The following SH3RF3 variants were observed in gnomAD, a reference collection of about 807,000 sequenced individuals.
The protein encoded by SH3RF3 is E3 ubiquitin-protein ligase SH3RF3.
A neutral mutation model predicts 66.3 loss-of-function variants in SH3RF3; 29 were observed. That is an observed-to-expected ratio of 0.44 (90% CI 0.33 to 0.60). SH3RF3 has a LOEUF of 0.60. Ranked by LOEUF, SH3RF3 falls within the 20% of genes least tolerant of loss-of-function variation. The pLI, the probability that SH3RF3 is intolerant of heterozygous loss-of-function variation, is 0.04. For synonymous variants in SH3RF3, 583 were observed against 532.0 expected (o/e 1.10, Z -1.32); for missense variants, 1,194 against 1,190.9 (o/e 1.00, Z -0.04).
chr2:109,259,857 C>T (rs1355728922), intron 1 of SH3RF3, among the ~76,000 whole-genome samples: 1 of 152,132 alleles, frequency 6.6e-6, no homozygotes, highest in Non-Finnish European at 1.5e-5. Context: ...TGGACAGCCT[C>T]TGGGCCGGGC....
At chr2:109,289,843 C>A (rs1237860229) in intron 1 of SH3RF3, among the ~76,000 whole-genome samples, 2 of 152,082 alleles carry the variant, frequency 1.3e-5, no homozygotes, top group African/African-American at 4.8e-5. Context: ...TTTCTCAGAT[C>A]TTGGTTTCCT....
intron 7 of SH3RF3, among the ~76,000 whole-genome samples, 169 bp downstream of exon 7, chr2:109,437,315 G>C (rs1437310621): frequency 6.6e-6 from 1 of 152,118 alleles, no homozygotes; most frequent in Non-Finnish European, 1.5e-5. Flanking sequence ...AGAATGTTGT[G>C]AGATGAAAAG....
intron 4 of SH3RF3, among the ~76,000 whole-genome samples, chr2:109,401,406 C>T (rs183614801): frequency 6.6e-6 from 1 of 152,200 alleles, no homozygotes; most frequent in Non-Finnish European, 1.5e-5. Flanking sequence ...CCTAGAAGAG[C>T]AAAGGCCACT....
At chr2:109,465,969 G>A (rs753448304) in intron 8 of SH3RF3, among the ~76,000 whole-genome samples, 4 of 151,968 alleles carry the variant, frequency 2.6e-5, no homozygotes, top group African/African-American at 4.8e-5. Flanking sequence ...CTCTAACACC[G>A]GGGATTACAA....
At chr2:109,371,373 G>A (rs1683267342) in intron 2 of SH3RF3, among the ~76,000 whole-genome samples, 1 of 152,236 alleles carries the variant, frequency 6.6e-6, no homozygotes, top group Non-Finnish European at 1.5e-5. Context: ...CTGGGTGGCA[G>A]AGCGAGACTC....
chr2:109,298,287 G>A (rs945670932), intron 1 of SH3RF3, among the ~76,000 whole-genome samples: 11 of 146,716 alleles, frequency 7.5e-5, no homozygotes, highest in African/African-American at 2.7e-4. Flanking sequence ...AGAACTCCGT[G>A]GCTGGCTAGA....
rs139757963 is a variant in SH3RF3, at chr2:109,268,916, C to A, written c.574-78758C>A. ...TTATGTTGGGTTTATCAAAATGTAACCCCATTATAAGTCAGGAAGCATCTG... is the reference window on the plus strand; with the variant it reads ...TTATGTTGGGTTTATCAAAATGTAAACCCATTATAAGTCAGGAAGCATCTG... On this transcript the variant is annotated intron_variant, in intron 1 of 9. Transcript: ENST00000309415. Among the ~76,000 whole-genome samples the A allele has an allele frequency of 2.3e-3, 357 of 152,266 alleles. 2 individuals carry two copies. The highest frequency in any genetic ancestry group is 8.5e-3 in the African/African-American group (351 of 41,538).
intron 1 of SH3RF3, among the ~76,000 whole-genome samples, chr2:109,263,639 C>G (rs1680410830): frequency 6.6e-6 from 1 of 152,188 alleles, no homozygotes; most frequent in Non-Finnish European, 1.5e-5. Flanking sequence ...TCTGCCAGGA[C>G]AGTCTGTCAG....
At chr2:109,487,145 T>C (rs1269796253) in intron 8 of SH3RF3, among the ~76,000 whole-genome samples, 1 of 152,152 alleles carries the variant, frequency 6.6e-6, no homozygotes, top group Non-Finnish European at 1.5e-5. Flanking sequence ...GCTTGCTTAC[T>C]CCCAGTCCCA....
At chr2:109,304,162 A>T (rs1257480983) in intron 1 of SH3RF3, among the ~76,000 whole-genome samples, 1 of 152,052 alleles carries the variant, frequency 6.6e-6, no homozygotes, top group Non-Finnish European at 1.5e-5. Flanking sequence ...CAGTATTGTT[A>T]GCTGGAGTCA....
At chr2:109,223,809 A>G (rs1015251585) in intron 1 of SH3RF3, among the ~76,000 whole-genome samples, 3 of 152,166 alleles carry the variant, frequency 2.0e-5, no homozygotes, top group Non-Finnish European at 4.4e-5. Context: ...TGTTCAATAC[A>G]TGTTTGTGCA....
intron 1 of SH3RF3, among the ~76,000 whole-genome samples, chr2:109,190,234 C>T (rs1678312825): frequency 1.3e-5 from 2 of 151,662 alleles, no homozygotes; most frequent in South Asian, 2.1e-4. Flanking sequence ...AGTGCAGTGG[C>T]GTGATCTTGG....
chr2:109,342,750 G>A (rs901198008), intron 1 of SH3RF3, among the ~76,000 whole-genome samples: 2 of 152,182 alleles, frequency 1.3e-5, no homozygotes, highest in African/African-American at 2.4e-5. Flanking sequence ...AGTAGAAGCC[G>A]GAGATGGCGC....
chr2:109,220,148 C>G (rs1299327209), intron 1 of SH3RF3, among the ~76,000 whole-genome samples: 1 of 152,162 alleles, frequency 6.6e-6, no homozygotes, highest in Non-Finnish European at 1.5e-5. Flanking sequence ...GGTTTTTCAA[C>G]AAAGAAGCCA....
intron 8 of SH3RF3, among the ~76,000 whole-genome samples, chr2:109,490,025 AC>A (rs1679090538): frequency 6.6e-6 from 1 of 152,208 alleles, no homozygotes; most frequent in South Asian, 2.1e-4. Flanking sequence ...GGCATGAGCC[AC>A]CGTGCCCAGC....
At chr2:109,351,186 C>T (rs554438750) in intron 2 of SH3RF3, among the ~76,000 whole-genome samples, 3 of 152,310 alleles carry the variant, frequency 2.0e-5, no homozygotes, top group African/African-American at 7.2e-5. Context: ...GAGCTGTGGG[C>T]CCAGCTCTGC....
chr2:109,282,712 C>T (rs1000461657), intron 1 of SH3RF3, among the ~76,000 whole-genome samples: 1 of 152,202 alleles, frequency 6.6e-6, no homozygotes, highest in African/African-American at 2.4e-5. Context: ...TTGCACTTAC[C>T]AGCTTTATGG....
At position 109,369,232 on chromosome 2, in the gene SH3RF3, C is replaced by T. The variant is rs923202466; in HGVS notation, c.850-2354C>T. Among the ~76,000 whole-genome samples, 4 of 151,418 alleles carry T rather than the reference C, an allele frequency of 2.6e-5. No homozygotes were observed. In the South Asian group the frequency reaches 8.3e-4, roughly 32 times the overall value. On this transcript the variant is annotated intron_variant, in intron 2 of 9. Transcript: ENST00000309415. ...GAGTGGTGGTGAGCACCTGTAGTCC[C>T]AGCTACTCTAGAGGCTGAGGCAGGG...
intron 1 of SH3RF3, among the ~76,000 whole-genome samples, chr2:109,298,586 C>T (rs148845092): frequency 1.2e-3 from 175 of 152,148 alleles, no homozygotes; most frequent in African/African-American, 3.8e-3. Context: ...GGATGAGCCC[C>T]GGGGTCCTCA....
Sources: allele counts gnomAD v4.1 joint callset (sites outside exome capture counted in the v4.1 genomes callset), GRCh38; gene constraint gnomAD v4.1.1; transcripts MANE v1.5; gene names NCBI Gene and HGNC (gene_info 2026-07-23, HGNC 2026-07-21).